Variants in PSMD4 observed in about 807,000 individuals in gnomAD.
PSMD4 encodes the protein 26S proteasome non-ATPase regulatory subunit 4.
PSMD4 carries 5 observed loss-of-function variants against 39.7 expected under a neutral mutation model. That is an observed-to-expected ratio of 0.13 (90% CI 0.07 to 0.26). PSMD4 has a LOEUF of 0.26. PSMD4 is among the 10% of genes least tolerant of loss of function. The pLI is 1.00. For missense variants in PSMD4, 272 were observed against 486.1 expected (o/e 0.56, Z 4.14); for synonymous variants, 143 against 174.6 (o/e 0.82, Z 1.43).
chr1:151,265,059 G>A lies in PSMD4; in HGVS notation c.370-107G>A, dbSNP rs907196044. On this transcript the variant is annotated intron_variant, in intron 4 of 9. Transcript: ENST00000368884. Reference sequence around the variant, plus strand: ...TGTGGAGAATTCAGTGATTCTGTTGGAGGACCTTGGGGAGGTCAATAGATT... The same window carrying A: ...TGTGGAGAATTCAGTGATTCTGTTGAAGGACCTTGGGGAGGTCAATAGATT... 3 of 1,294,476 alleles carry A rather than the reference G, an allele frequency of 2.3e-6. No individual in the cohort carries two copies. The African/African-American group carries it at 4.4e-5, about 19-fold the overall frequency. 80.2% of individuals were successfully genotyped at this position (1,294,476 alleles called of 1,614,324 possible). A position where few individuals can be genotyped will look rare whatever the true frequency, so the allele number is the denominator to read the frequency against.
Position 151,264,767 on chromosome 1 carries a change from G to A in PSMD4, c.283-65G>A, listed in dbSNP as rs1693390748. 2.3e-6 allele frequency: 3 copies of A among 1,320,992 alleles called. No individual in the cohort carries two copies. The South Asian group carries it at 3.7e-5, about 16-fold the overall frequency. 81.8% of individuals were successfully genotyped at this position (1,320,992 alleles called of 1,614,324 possible). A position where few individuals can be genotyped will look rare whatever the true frequency, so the allele number is the denominator to read the frequency against. On this transcript the variant is annotated intron_variant, in intron 3 of 9. Coordinates refer to ENST00000368884, the MANE Select transcript of PSMD4 (RefSeq NM_002810.4). ...GAAACTGTAAGAAAAAGGGAACCGA[G>A]TGACAGAGGAAAGAGCTGAGTGATT...
chr1:151,258,317 A>G (rs1025915722), intron 1 of PSMD4, among the ~76,000 whole-genome samples: 1 of 151,632 alleles, frequency 6.6e-6, no homozygotes, highest in Non-Finnish European at 1.5e-5. Context: ...CATGAGCCAC[A>G]ACACCCAGCC....
At position 151,259,450 on chromosome 1, in the gene PSMD4, T is replaced by C. The variant is rs78012828; in HGVS notation, c.27-2711T>C. Among the ~76,000 whole-genome samples the C allele has an allele frequency of 8.9e-3, 1,361 of 152,308 alleles. 13 individuals carry two copies. Among genetic ancestry groups the C allele is most frequent in the African/African-American group, 0.017 (713 of 41,564 alleles). On this transcript the variant is annotated intron_variant, in intron 1 of 9. Transcript: ENST00000368884. ...TCAAGAGTTTCTGATTAAGTGTACT[T>C]AACCTATATATTCCCTTTTCTGTTA...
chr1:151,265,266 T>C (rs1464367000), intron 5 of PSMD4, 32 bp downstream of exon 5: 1 of 1,604,058 alleles, frequency 6.2e-7, no homozygotes, highest in East Asian at 2.2e-5. Flanking sequence ...GGCATTGACT[T>C]AATTTGGTCA....
At position 151,254,823 on chromosome 1, in the gene PSMD4, CGGGGCAGGA is replaced by C; in HGVS notation, c.26+23_26+31del. ...ACTATGGTGTGGTGAGGAGCTACTT[CGGGGCAGGA>C]GGGGCAGAGCTGGGTTCCGGGCGCG... On this transcript the variant is annotated intron_variant, in intron 1 of 9. Coordinates refer to ENST00000368884, the MANE Select transcript of PSMD4 (RefSeq NM_002810.4). The C allele has an allele frequency of 7.2e-7, 1 of 1,388,064 alleles. No individual in the cohort carries two copies. Among genetic ancestry groups the C allele is most frequent in the Non-Finnish European group, 9.4e-7 (1 of 1,058,290 alleles). The allele number at this position is 1,388,064 out of a possible 1,614,324, so 86.0% of individuals were successfully genotyped here.
chr1:151,265,735 C>T (rs1693420719), intron 6 of PSMD4, 126 bp downstream of exon 6: 1 of 1,062,474 alleles, frequency 9.4e-7, no homozygotes, highest in Non-Finnish European at 1.4e-6. Context: ...TTTCCAAGAC[C>T]TCCTTTTGCC....
chr1:151,261,998 A>G (rs587710691), intron 1 of PSMD4, among the ~76,000 whole-genome samples, 163 bp from the exon 2 acceptor site: 22 of 152,126 alleles, frequency 1.4e-4, no homozygotes, highest in African/African-American at 5.3e-4. Context: ...TTCTGAGTCA[A>G]TAAATGTGGG....
At chr1:151,259,934 C>T (rs779264656) in intron 1 of PSMD4, among the ~76,000 whole-genome samples, 7 of 151,988 alleles carry the variant, frequency 4.6e-5, no homozygotes, top group Non-Finnish European at 1.0e-4. Context: ...TGTGGTGGCT[C>T]ATGCCTGTAA....
At chr1:151,255,342 T>G (rs1171839522) in intron 1 of PSMD4, among the ~76,000 whole-genome samples, 1 of 152,196 alleles carries the variant, frequency 6.6e-6, no homozygotes, top group Non-Finnish European at 1.5e-5. Context: ...CTCTCCATTT[T>G]ACGGTTCAGG....
chr1:151,259,003 C>G (rs929692967), intron 1 of PSMD4: 1 of 152,046 alleles, frequency 6.6e-6, no homozygotes, highest in Admixed American at 6.6e-5. Flanking sequence ...CATCAGAGGT[C>G]AGGAGCTCAA....
intron 1 of PSMD4, among the ~76,000 whole-genome samples, chr1:151,255,107 G>C (rs1260588595): frequency 6.6e-6 from 1 of 152,188 alleles, no homozygotes; most frequent in Non-Finnish European, 1.5e-5. Flanking sequence ...CTACAGTTCT[G>C]CTTTTCGGAC....
chr1:151,257,715 C>CTTTTTTTTTTTTTT (rs71090149), intron 1 of PSMD4, among the ~76,000 whole-genome samples: 12 of 88,720 alleles, frequency 1.4e-4, no homozygotes, highest in East Asian at 3.5e-4. Flanking sequence ...ACCTGGCTTT[C>CTTTTTTTTTTTTTT]TTTTTTTTTT....
chr1:151,264,079 C>A, intron 3 of PSMD4, 51 bp downstream of exon 3: 1 of 1,339,272 alleles, frequency 7.5e-7, no homozygotes, highest in Non-Finnish European at 1.0e-6. Context: ...TGAGGTCCTG[C>A]CTCCATCATA....
chr1:151,256,354 AAATAATAAT>A lies in PSMD4; in HGVS notation c.26+1549_26+1557del, dbSNP rs764746368. Among the ~76,000 whole-genome samples the A allele has an allele frequency of 1.3e-4, 6 of 44,886 alleles. 1 individual carries two copies. Among genetic ancestry groups the A allele is most frequent in the Admixed American group, 2.1e-4 (1 of 4,820 alleles). 29.4% of individuals were successfully genotyped at this position (44,886 alleles called of 152,430 possible). On this transcript the variant is annotated intron_variant, in intron 1 of 9. Coordinates refer to ENST00000368884, the MANE Select transcript of PSMD4 (RefSeq NM_002810.4). ...GTGAGACTCCCTCTCAAAAAAAAAA[AAATAATAAT>A]AAAATAAATAAATAAATAAATAAAT... is the stretch of plus-strand genomic sequence containing the variant.
intron 1 of PSMD4, among the ~76,000 whole-genome samples, chr1:151,261,268 T>C (rs922179464): frequency 5.3e-5 from 8 of 149,620 alleles, no homozygotes; most frequent in Non-Finnish European, 1.0e-4. Context: ...CTCCGTCTCC[T>C]GGGTTCAGGC....
In PSMD4 at chr1:151,266,450, G is replaced by T. The variant is rs201079899; in HGVS notation, c.895+11G>T. The T allele has an allele frequency of 6.2e-7, 1 of 1,614,232 alleles. No individual in the cohort carries two copies. The highest frequency in any genetic ancestry group is 1.7e-5 in the Admixed American group (1 of 60,024). On this transcript the variant is annotated intron_variant, in intron 8 of 9. Coordinates refer to ENST00000368884, the MANE Select transcript of PSMD4 (RefSeq NM_002810.4). ...CCCTGCAGGGAGCAGGTGAGCCAGA[G>T]CCTGGGTGGTGCCTAGGCAGAGGTT...
At chr1:151,255,162 C>T (rs1473812469) in intron 1 of PSMD4, among the ~76,000 whole-genome samples, 3 of 152,250 alleles carry the variant, frequency 2.0e-5, no homozygotes, top group Non-Finnish European at 4.4e-5. Flanking sequence ...AAAATAACGT[C>T]TATTAGGAAA....
intron 1 of PSMD4, among the ~76,000 whole-genome samples, chr1:151,256,359 AT>A (rs1179890365): frequency 0.048 from 2,426 of 51,068 alleles, 94 homozygotes; most frequent in Non-Finnish European, 0.064. Context: ...AAAAAAAATA[AT>A]AATAAAATAA....
At chr1:151,263,813 G>A in intron 2 of PSMD4, 101 bp from the exon 3 acceptor site, 1 of 828,718 alleles carries the variant, frequency 1.2e-6, no homozygotes, top group Non-Finnish European at 1.8e-6. Context: ...CTGGGTGACA[G>A]AGTGAGACTC....
Sources: gnomAD v4.1 joint callset for allele counts (sites outside exome capture counted in the v4.1 genomes callset) on GRCh38, gnomAD v4.1.1 for gene constraint, MANE v1.5 for transcripts, NCBI Gene and HGNC (gene_info 2026-07-23, HGNC 2026-07-21) for gene names.